KCNB2: variants seen among roughly 807,000 people sequenced by gnomAD.
KCNB2 encodes the protein delayed rectifier potassium channel protein.
Under a neutral mutation model 61.5 loss-of-function variants are expected in KCNB2, and 15 were observed. The ratio of observed to expected loss-of-function variants is 0.24; its 90% CI spans 0.16 to 0.38. The LOEUF (loss-of-function observed/expected upper bound fraction) is 0.38. KCNB2 is among the 10% of genes least tolerant of loss of function. The pLI is 1.00. For synonymous variants in KCNB2, 457 were observed against 446.0 expected, an observed-to-expected ratio of 1.02 and a Z score of -0.31; for missense variants, 828 against 1,125.2, an observed-to-expected ratio of 0.74 and a Z score of 3.78.
intron 2 of KCNB2, among the ~76,000 whole-genome samples, chr8:72,664,044 C>A (rs1339164920): frequency 6.6e-6 from 1 of 152,158 alleles, no homozygotes; most frequent in Non-Finnish European, 1.5e-5. Context: ...TCAATATGCT[C>A]CAGTTTTCTG....
chr8:72,663,857 A>AT (rs1806421320), intron 2 of KCNB2, among the ~76,000 whole-genome samples: 1 of 152,174 alleles, frequency 6.6e-6, no homozygotes, highest in South Asian at 2.1e-4. Flanking sequence ...GACCTTAAAC[A>AT]TTTTAAAGTA....
intron 2 of KCNB2, among the ~76,000 whole-genome samples, chr8:72,769,671 G>A (rs528364159): frequency 3.9e-5 from 6 of 152,244 alleles, no homozygotes; most frequent in Admixed American, 2.0e-4. Context: ...ACAGGCAATC[G>A]GATTGGAAAG....
At chr8:72,591,552 G>A (rs542624917) in intron 2 of KCNB2, among the ~76,000 whole-genome samples, 47 of 152,174 alleles carry the variant, frequency 3.1e-4, no homozygotes, top group African/African-American at 1.1e-3. Flanking sequence ...ATGTGTTTAG[G>A]TATCAGTGTA....
At chr8:72,898,451 G>GAA (rs373942673) in intron 2 of KCNB2, among the ~76,000 whole-genome samples, 126 of 149,490 alleles carry the variant, frequency 8.4e-4, no homozygotes, top group African/African-American at 2.5e-3. Context: ...TTTAAAAAAA[G>GAA]AAAAAAAAAC....
intron 2 of KCNB2, among the ~76,000 whole-genome samples, chr8:72,723,425 A>C (rs934068800): frequency 1.3e-5 from 2 of 152,196 alleles, no homozygotes; most frequent in Non-Finnish European, 2.9e-5. Flanking sequence ...TTATTTCTTC[A>C]GTGTCCACTA....
At chr8:72,565,111 A>G (rs2128978721) in intron 1 of KCNB2, among the ~76,000 whole-genome samples, 1 of 148,926 alleles carries the variant, frequency 6.7e-6, no homozygotes, top group African/African-American at 2.4e-5. Flanking sequence ...AAAGATAAGC[A>G]TTTTTGTCAT....
intron 2 of KCNB2, among the ~76,000 whole-genome samples, chr8:72,841,043 C>T (rs1229095099): frequency 6.6e-6 from 1 of 152,062 alleles, no homozygotes; most frequent in African/African-American, 2.4e-5. Flanking sequence ...TCAGGTCTTA[C>T]ATTTAAGTCT....
Position 72,855,051 on chromosome 8 carries a change from T to G in KCNB2, c.580-80884T>G, listed in dbSNP as rs147269941. 2.9e-3 allele frequency among the ~76,000 whole-genome samples: 444 copies of G among 152,308 alleles called. 4 individuals carry two copies. The highest frequency in any genetic ancestry group is 7.8e-3 in the African/African-American group (323 of 41,578). ...CCAACACCTTTCAGCACTATTGCAC[T>G]CTGTCCTCCACACACCTGCCTCTGA... On this transcript the variant is annotated intron_variant, in intron 2 of 2. Coordinates refer to ENST00000523207, the MANE Select transcript of KCNB2 (RefSeq NM_004770.3).
intron 2 of KCNB2, among the ~76,000 whole-genome samples, chr8:72,902,747 A>G (rs1007678809): frequency 2.6e-5 from 4 of 152,188 alleles, no homozygotes; most frequent in African/African-American, 9.6e-5. Flanking sequence ...TATTAGTGAT[A>G]TCTACTTTTA....
intron 2 of KCNB2, among the ~76,000 whole-genome samples, chr8:72,895,252 G>T (rs756504662): frequency 6.6e-6 from 1 of 152,206 alleles, no homozygotes; most frequent in Non-Finnish European, 1.5e-5. Flanking sequence ...TTAAAATAGG[G>T]AGATTATCCT....
chr8:72,837,747 C>T (rs1809805223), intron 2 of KCNB2, among the ~76,000 whole-genome samples: 1 of 152,002 alleles, frequency 6.6e-6, no homozygotes, highest in South Asian at 2.1e-4. Flanking sequence ...GCAATGAAAC[C>T]ACAGCAACGG....
At chr8:72,717,860 A>G (rs1194827593) in intron 2 of KCNB2, among the ~76,000 whole-genome samples, 1 of 152,260 alleles carries the variant, frequency 6.6e-6, no homozygotes, top group East Asian at 1.9e-4. Flanking sequence ...AGAAACTACC[A>G]TCAGAGTGAA....
At chr8:72,765,206 AC>A (rs1186072301) in intron 2 of KCNB2, among the ~76,000 whole-genome samples, 1 of 152,124 alleles carries the variant, frequency 6.6e-6, no homozygotes, top group Non-Finnish European at 1.5e-5. Flanking sequence ...ATGGACTCTC[AC>A]CCAGAGTTGT....
chr8:72,859,149 GTC>G (rs1205951614), intron 2 of KCNB2, among the ~76,000 whole-genome samples: 1 of 152,112 alleles, frequency 6.6e-6, no homozygotes, highest in Non-Finnish European at 1.5e-5. Context: ...CAAATGTTTG[GTC>G]TCTCTGGGCC....
chr8:72,817,368 G>A (rs1809418487), intron 2 of KCNB2, among the ~76,000 whole-genome samples: 1 of 152,136 alleles, frequency 6.6e-6, no homozygotes, highest in Non-Finnish European at 1.5e-5. Context: ...ACTGCCTACT[G>A]CCTACTTCGG....
At chr8:72,617,396 T>C (rs1347789027) in intron 2 of KCNB2, among the ~76,000 whole-genome samples, 4 of 152,090 alleles carry the variant, frequency 2.6e-5, no homozygotes, top group East Asian at 1.9e-4. Context: ...CAAGAGAACA[T>C]TGTTTTAGAA....
At chr8:72,738,347 CTGT>C (rs1807886233) in intron 2 of KCNB2, among the ~76,000 whole-genome samples, 1 of 18,240 alleles carries the variant, frequency 5.5e-5, no homozygotes, top group Non-Finnish European at 1.3e-4. Flanking sequence ...TGAACTCTGA[CTGT>C]AGGCAGGAAG....
At chr8:72,819,478 T>C (rs768546088) in intron 2 of KCNB2, among the ~76,000 whole-genome samples, 4 of 152,200 alleles carry the variant, frequency 2.6e-5, no homozygotes, top group Non-Finnish European at 4.4e-5. Flanking sequence ...TTGTAGCAAG[T>C]TGAATAATCC....
At chr8:72,837,188 C>A (rs993013267) in intron 2 of KCNB2, among the ~76,000 whole-genome samples, 2 of 152,234 alleles carry the variant, frequency 1.3e-5, no homozygotes, top group Non-Finnish European at 2.9e-5. Flanking sequence ...TCATAATTGC[C>A]CTTTATTCAC....
Sources: allele counts gnomAD v4.1 joint callset (sites outside exome capture counted in the v4.1 genomes callset), GRCh38; gene constraint gnomAD v4.1.1; transcripts MANE v1.5; gene names NCBI Gene and HGNC (gene_info 2026-07-23, HGNC 2026-07-21).